POLR2F: variants seen among roughly 807,000 people sequenced by gnomAD.
POLR2F encodes RNA polymerase II, I and III subunit F.
In POLR2F, 12 loss-of-function variants were observed where a neutral mutation model predicts 22.7. The observed-to-expected ratio is 0.53, with a 90% confidence interval of 0.34 to 0.86. POLR2F has a LOEUF of 0.86. Ranked by LOEUF, POLR2F falls within the 40% of genes least tolerant of loss-of-function variation. The pLI is 0.02. For synonymous variants in POLR2F, 57 were observed against 66.0 expected, an observed-to-expected ratio of 0.86 and a Z score of 0.66; for missense variants, 126 against 171.5, an observed-to-expected ratio of 0.73 and a Z score of 1.48.
chr22:37,970,740 G>A (rs1264047740), downstream of POLR2F: 1 of 159,274 alleles, frequency 6.3e-6, no homozygotes, highest in Admixed American at 5.8e-5. Context: ...CAAGTTTGCA[G>A]ATACATAAAG....
chr22:37,970,578 GC>G (rs1244744446), downstream of POLR2F: 2 of 126,218 alleles, frequency 1.6e-5, no homozygotes, highest in African/African-American at 6.2e-5. Flanking sequence ...TTGCACTCCA[GC>G]CTGGCAACAG....
At position 38,016,712 on chromosome 22, in the gene POLR2F, A is replaced by G. The variant is rs1258006368; in HGVS notation, c.121-9157A>G. ...CGGTTCCAGCCCTGGGCGGGTGGAA[A>G]GAGTGCTGGCACGCACCGCGGGGGG... On this transcript the variant is annotated intron_variant, in intron 1 of 2. Transcript: ENST00000333418. This position sits in a 1 kb window ranked among gnomAD's most constrained non-coding sequence, Gnocchi z 4.4. Among the ~76,000 whole-genome samples, 22 of 137,570 alleles carry G rather than the reference A, an allele frequency of 1.6e-4. No homozygotes were observed. The highest frequency in any genetic ancestry group is 2.7e-4 in the Non-Finnish European group (17 of 63,418). The allele number at this position is 137,570 out of a possible 152,430, so 90.3% of individuals were successfully genotyped here. A position where few individuals can be genotyped will look rare whatever the true frequency, so the allele number is the denominator to read the frequency against.
chr22:38,027,522 C>T (rs1331036327), downstream of POLR2F, among the ~76,000 whole-genome samples: 1 of 152,102 alleles, frequency 6.6e-6, no homozygotes, highest in African/African-American at 2.4e-5. Flanking sequence ...ATTCCTTCTG[C>T]CCGGAACTCC....
rs1569181567 is a variant in POLR2F at position 38,017,174 on chromosome 22, G to A, written c.121-8695G>A. Among the ~76,000 whole-genome samples the A allele has an allele frequency of 1.3e-5, 2 of 152,202 alleles. No individual in the cohort carries two copies. The highest frequency in any genetic ancestry group is 4.8e-5 in the African/African-American group (2 of 41,444). On this transcript the variant is annotated intron_variant, in intron 1 of 2. Coordinates refer to the POLR2F transcript ENST00000333418. The surrounding 1 kb of genome is among the most constrained non-coding windows in gnomAD (Gnocchi z 4.1). ...CACCCAAGGCAGCCTCTCTAGGTCT[G>A]GGTGCCTAAAGCCTGCAAAACTGGT...
chr22:37,962,272 G>A (rs1160419795), intron 3 of POLR2F, among the ~76,000 whole-genome samples: 4 of 151,982 alleles, frequency 2.6e-5, no homozygotes, highest in Non-Finnish European at 5.9e-5. Flanking sequence ...GGAAAGCTGG[G>A]GCCAGATTTG....
At chr22:37,991,303 G>C (rs960985861) in intron 1 of POLR2F, among the ~76,000 whole-genome samples, 1 of 152,104 alleles carries the variant, frequency 6.6e-6, no homozygotes, top group Non-Finnish European at 1.5e-5. Context: ...ATTTTTAGTA[G>C]AGACGGGGTT....
chr22:37,987,092 G>T (rs1172521834), intron 1 of POLR2F: 8 of 456,560 alleles, frequency 1.8e-5, no homozygotes, highest in Non-Finnish European at 3.1e-5. Context: ...TGAAGTGAGG[G>T]TTTGTCACCG....
rs1374301995 is a variant in POLR2F, at chr22:37,969,007, C to T, written c.*1292C>T. On this transcript the variant is annotated 3_prime_UTR_variant, in exon 5 of 5. Coordinates refer to ENST00000442738, the MANE Select transcript of POLR2F (RefSeq NM_021974.5). ...TCAGCTCTGAAATGCCGCCTTTGTGCTGGCATCCAGGCAGCCGCCCCAGAG... is the reference window on the plus strand; with the variant it reads ...TCAGCTCTGAAATGCCGCCTTTGTGTTGGCATCCAGGCAGCCGCCCCAGAG... 5.1e-6 allele frequency: 5 copies of T among 985,376 alleles called. No homozygotes were observed. The highest frequency in any genetic ancestry group is 1.7e-5 in the African/African-American group (1 of 57,254). 61.0% of individuals were successfully genotyped at this position (985,376 alleles called of 1,614,324 possible).
chr22:38,005,245 C>T (rs1047987865), intron 1 of POLR2F, among the ~76,000 whole-genome samples: 1 of 152,240 alleles, frequency 6.6e-6, no homozygotes, highest in Non-Finnish European at 1.5e-5. Context: ...ACTCCAGCCT[C>T]CCGAGTAGCT....
downstream of POLR2F, chr22:37,972,318 G>T: frequency 5.5e-6 from 6 of 1,091,850 alleles, no homozygotes; most frequent in Non-Finnish European, 7.5e-6. Context: ...CAGGTAACCG[G>T]AACCTTTAAT....
downstream of POLR2F, among the ~76,000 whole-genome samples, chr22:37,969,986 T>G (rs1325149563): frequency 1.3e-5 from 2 of 152,086 alleles, no homozygotes; most frequent in Non-Finnish European, 1.5e-5. Flanking sequence ...TAGAACTGAT[T>G]AGACAGCCTC....
intron 1 of POLR2F, among the ~76,000 whole-genome samples, chr22:38,009,003 T>C (rs1160417514): frequency 3.9e-5 from 6 of 152,132 alleles, no homozygotes; most frequent in Non-Finnish European, 8.8e-5. Flanking sequence ...AGGTGGCATA[T>C]GCATGAAGAC....
intron 1 of POLR2F, chr22:37,987,425 C>G: frequency 2.6e-6 from 1 of 386,376 alleles, no homozygotes; most frequent in South Asian, 1.9e-5. Context: ...CACCCCCCAG[C>G]TCCCAAGTCC....
intron 1 of POLR2F, among the ~76,000 whole-genome samples, chr22:38,007,813 C>A (rs1163928544): frequency 6.6e-6 from 1 of 152,232 alleles, no homozygotes; most frequent in African/African-American, 2.4e-5. Flanking sequence ...GGAATTACAG[C>A]GTTGCTGGGC....
chr22:38,024,122 G>A (rs1185768817), intron 1 of POLR2F, among the ~76,000 whole-genome samples: 1 of 152,118 alleles, frequency 6.6e-6, no homozygotes, highest in Non-Finnish European at 1.5e-5. Context: ...GGGATTACAG[G>A]CATGAGCCAC....
Position 37,967,873 on chromosome 22 carries a change from A to C in POLR2F, c.*158A>C. The stretch of plus-strand genomic sequence containing the variant: ...CCGTTACCGCCATGCTGCGTGGAGC[A>C]TGCACCTATTCCAGTGGCCCTGTGA... On this transcript the variant is annotated 3_prime_UTR_variant, in exon 5 of 5. Coordinates refer to ENST00000442738, the MANE Select transcript of POLR2F (RefSeq NM_021974.5). 1.4e-6 allele frequency: 2 copies of C among 1,392,256 alleles called. No individual in the cohort carries two copies. The highest frequency in any genetic ancestry group is 3.2e-5 in the South Asian group (2 of 63,174). The allele number at this position is 1,392,256 out of a possible 1,614,324, so 86.2% of individuals were successfully genotyped here.
chr22:37,990,020 G>A lies in POLR2F; in HGVS notation c.120+3708G>A, dbSNP rs145113074. The stretch of plus-strand genomic sequence containing the variant: ...GAGGAGACACCTTCAGATGTGCTCT[G>A]CCTCCTTACTGAACAGCCTGGAGGA... On this transcript the variant is annotated intron_variant, in intron 1 of 2. Transcript: ENST00000333418. Among the ~76,000 whole-genome samples the A allele has an allele frequency of 2.3e-4, 35 of 152,314 alleles. No homozygotes were observed. In the East Asian group the frequency reaches 5.8e-3, roughly 25 times the overall value.
At chr22:38,000,065 C>G (rs1321118693) in intron 1 of POLR2F, among the ~76,000 whole-genome samples, 1 of 152,170 alleles carries the variant, frequency 6.6e-6, no homozygotes, top group Non-Finnish European at 1.5e-5. Context: ...CCCAGACCTC[C>G]TGTGTGCCAG....
rs2084921807 is a variant in POLR2F, at chr22:38,017,021, T to C, written c.121-8848T>C. Among the ~76,000 whole-genome samples the C allele has an allele frequency of 6.6e-6, 1 of 152,038 alleles. No homozygotes were observed. Among genetic ancestry groups the C allele is most frequent in the African/African-American group, 2.4e-5 (1 of 41,394 alleles). On this transcript the variant is annotated intron_variant, in intron 1 of 2. Coordinates refer to the POLR2F transcript ENST00000333418. This position sits in a 1 kb window ranked among gnomAD's most constrained non-coding sequence, Gnocchi z 4.1. The stretch of plus-strand genomic sequence containing the variant: ...GGCCAGCCAGCCCCCCACCCCAGCC[T>C]CTGCTGCCTGGCACCAGGTCCCCCC...
Sources: gnomAD v4.1 joint callset for allele counts (sites outside exome capture counted in the v4.1 genomes callset) on GRCh38, gnomAD v4.1.1 for gene constraint, Gnocchi (gnomAD v3.1) non-coding constraint, MANE v1.5 for transcripts, NCBI Gene and HGNC (gene_info 2026-07-23, HGNC 2026-07-21) for gene names.